The following LRRC4C variants were observed in gnomAD, a reference collection of about 807,000 sequenced individuals.
LRRC4C encodes the protein leucine rich repeat containing 4C.
LRRC4C carries 5 observed loss-of-function variants against 33.6 expected under a neutral mutation model. The observed-to-expected ratio is 0.15, with a 90% CI of 0.08 to 0.31. The LOEUF (loss-of-function observed/expected upper bound fraction) is 0.31. LRRC4C is among the 10% of genes least tolerant of loss of function. The pLI is 1.00. For missense variants in LRRC4C, 560 were observed against 796.7 expected (o/e 0.70, Z 3.58); for synonymous variants, 329 against 302.0 (o/e 1.09, Z -0.93).
intron 5 of LRRC4C, among the ~76,000 whole-genome samples, chr11:40,202,213 CAAAAAAAAAA>C (rs35644436): frequency 1.5e-5 from 1 of 65,014 alleles, no homozygotes; most frequent in African/African-American, 5.9e-5. Flanking sequence ...GTGTGATTAC[CAAAAAAAAAA>C]AAAAAAAAAA....
intron 5 of LRRC4C, among the ~76,000 whole-genome samples, chr11:40,218,269 A>G (rs528303750): frequency 9.6e-4 from 146 of 152,240 alleles, no homozygotes; most frequent in African/African-American, 3.2e-3. Context: ...ATTTTCTCCT[A>G]TAACATGTTT....
intron 1 of LRRC4C, among the ~76,000 whole-genome samples, chr11:41,450,763 C>T (rs1330441563): frequency 6.6e-6 from 1 of 152,100 alleles, no homozygotes; most frequent in Non-Finnish European, 1.5e-5. Context: ...TTCATTCCTT[C>T]CTACCAAATA....
chr11:40,877,182 C>T (rs1025220012), intron 2 of LRRC4C, among the ~76,000 whole-genome samples: 3 of 151,976 alleles, frequency 2.0e-5, no homozygotes, highest in Admixed American at 2.0e-4. Flanking sequence ...CGTAGAGGCT[C>T]ACATTCAGAA....
chr11:41,240,601 C>T (rs1418008749), intron 1 of LRRC4C, among the ~76,000 whole-genome samples: 4 of 152,064 alleles, frequency 2.6e-5, no homozygotes, highest in Non-Finnish European at 5.9e-5. Flanking sequence ...GCATTAGAAG[C>T]CAAAATGGTT....
chr11:41,156,547 G>A (rs1944240834), intron 1 of LRRC4C, among the ~76,000 whole-genome samples: 1 of 151,978 alleles, frequency 6.6e-6, no homozygotes, highest in Non-Finnish European at 1.5e-5. Context: ...CAAACACCGT[G>A]TGCTAGGCAG....
At position 41,221,798 on chromosome 11, in the gene LRRC4C, C is replaced by G. The variant is rs114441659; in HGVS notation, c.-496+237633G>C. On this transcript the variant is annotated intron_variant, in intron 1 of 6. Coordinates refer to ENST00000528697, the MANE Select transcript of LRRC4C (RefSeq NM_001258419.2). ...ATTCCACACAAGAAACCATAGAGCTCAACTGGCATAGAGACAAATTCCTAA... is the reference window on the plus strand; with the variant it reads ...ATTCCACACAAGAAACCATAGAGCTGAACTGGCATAGAGACAAATTCCTAA... 8.0e-3 allele frequency among the ~76,000 whole-genome samples: 1,211 copies of G among 152,256 alleles called. 23 individuals carry two copies. Among genetic ancestry groups the G allele is most frequent in the African/African-American group, 0.028 (1,169 of 41,538 alleles).
chr11:40,862,710 T>G (rs997470284), intron 2 of LRRC4C, among the ~76,000 whole-genome samples: 2 of 152,166 alleles, frequency 1.3e-5, no homozygotes, highest in Non-Finnish European at 2.9e-5. Flanking sequence ...GATAAAGTAC[T>G]TGAATGTTGA....
intron 1 of LRRC4C, among the ~76,000 whole-genome samples, chr11:41,280,836 TAAGTA>T (rs751040996): frequency 5.9e-5 from 9 of 152,124 alleles, no homozygotes; most frequent in Non-Finnish European, 8.8e-5. Context: ...AAAGGCTAGC[TAAGTA>T]AAGAAAATGC....
intron 3 of LRRC4C, among the ~76,000 whole-genome samples, chr11:40,526,748 A>G (rs1467277352): frequency 1.3e-5 from 2 of 152,176 alleles, no homozygotes; most frequent in Non-Finnish European, 2.9e-5. Context: ...GAATGCTCAT[A>G]GAGTTATTTG....
intron 1 of LRRC4C, among the ~76,000 whole-genome samples, chr11:40,940,899 G>A (rs142342763): frequency 1.1e-3 from 164 of 148,930 alleles, no homozygotes; most frequent in African/African-American, 3.9e-3. Context: ...GGCCTGAAGA[G>A]CATGACAGAG....
intron 1 of LRRC4C, among the ~76,000 whole-genome samples, chr11:40,986,405 G>A (rs577866405): frequency 6.6e-6 from 1 of 152,192 alleles, no homozygotes; most frequent in African/African-American, 2.4e-5. Context: ...TGAGACCAGT[G>A]TGGGCAACAT....
intron 3 of LRRC4C, among the ~76,000 whole-genome samples, chr11:40,558,389 T>C (rs764313287): frequency 2.6e-5 from 4 of 152,216 alleles, no homozygotes; most frequent in African/African-American, 9.6e-5. Context: ...ATTTAGACTT[T>C]ATCTTGTTTT....
At position 41,137,539 on chromosome 11, in the gene LRRC4C, G is replaced by A. The variant is rs189461582; in HGVS notation, c.-495-203816C>T. ...TTCATTATCTTAGAATATTCTCTTG[G>A]GCCATGGAGTAGCTGAAAAGAGTGA... On this transcript the variant is annotated intron_variant, in intron 1 of 6. Coordinates refer to ENST00000528697, the MANE Select transcript of LRRC4C (RefSeq NM_001258419.2). 2.7e-3 allele frequency among the ~76,000 whole-genome samples: 409 copies of A among 151,972 alleles called. 3 individuals are homozygous for A. Among genetic ancestry groups the A allele is most frequent in the African/African-American group, 9.4e-3 (389 of 41,444 alleles).
intron 3 of LRRC4C, among the ~76,000 whole-genome samples, chr11:40,517,136 C>T (rs7122255): frequency 0.04 from 6,162 of 152,170 alleles, 363 homozygotes; most frequent in African/African-American, 0.13. Flanking sequence ...TTTCAGGATG[C>T]CTCTCTCAGA....
chr11:40,156,876 AAAT>A (rs1426484347), intron 5 of LRRC4C, among the ~76,000 whole-genome samples: 1 of 152,178 alleles, frequency 6.6e-6, no homozygotes, highest in Non-Finnish European at 1.5e-5. Flanking sequence ...ATTTCCATCA[AAAT>A]ACCACACAAT....
chr11:40,301,432 T>C (rs968010930), intron 4 of LRRC4C, among the ~76,000 whole-genome samples: 5 of 152,236 alleles, frequency 3.3e-5, no homozygotes, highest in African/African-American at 4.8e-5. Flanking sequence ...TCTTTAAAAC[T>C]TCACCAGGAA....
intron 3 of LRRC4C, among the ~76,000 whole-genome samples, chr11:40,485,115 C>G (rs537921572): frequency 4.6e-5 from 7 of 152,094 alleles, no homozygotes; most frequent in African/African-American, 1.4e-4. Context: ...CTCAAAATCA[C>G]AAGGTGTATT....
At chr11:40,694,899 C>A (rs887328369) in intron 2 of LRRC4C, among the ~76,000 whole-genome samples, 42 of 151,978 alleles carry the variant, frequency 2.8e-4, no homozygotes, top group Non-Finnish European at 3.5e-4. Context: ...CATCGTAGCC[C>A]CCTTCTCTTC....
chr11:40,736,717 G>A (rs546563770), intron 2 of LRRC4C, among the ~76,000 whole-genome samples: 11 of 152,210 alleles, frequency 7.2e-5, no homozygotes, highest in South Asian at 2.1e-4. Flanking sequence ...TAACTGGTGC[G>A]AGATAGTATC....
Sources: gnomAD v4.1 joint callset for allele counts (sites outside exome capture counted in the v4.1 genomes callset) on GRCh38, gnomAD v4.1.1 for gene constraint, MANE v1.5 for transcripts, NCBI Gene and HGNC (gene_info 2026-07-23, HGNC 2026-07-21) for gene names.